The following RIMS2 variants were observed in gnomAD, a reference collection of about 807,000 sequenced individuals.
The protein encoded by RIMS2 is regulating synaptic membrane exocytosis protein 2.
RIMS2 carries 59 observed loss-of-function variants against 174.4 expected under a neutral mutation model. The observed-to-expected ratio is 0.34, with a 90% CI of 0.27 to 0.42. The LOEUF (loss-of-function observed/expected upper bound fraction) is 0.42, where lower values mean the gene tolerates loss of function less well. Ranked by LOEUF, RIMS2 falls within the 10% of genes least tolerant of loss-of-function variation. RIMS2 has a pLI of 1.00. For synonymous variants in RIMS2, 606 were observed against 572.5 expected (o/e 1.06, Z -0.84); for missense variants, 1,620 against 1,666.3 (o/e 0.97, Z 0.48).
chr8:103,600,608 T>C (rs1181082292), intron 1 of RIMS2, among the ~76,000 whole-genome samples: 3 of 152,156 alleles, frequency 2.0e-5, no homozygotes, highest in African/African-American at 7.2e-5. Flanking sequence ...GATGGATGCT[T>C]AGGTTGCTTG....
At chr8:104,217,154 CAAT>C (rs1424499660) in intron 19 of RIMS2, among the ~76,000 whole-genome samples, 1 of 152,104 alleles carries the variant, frequency 6.6e-6, no homozygotes, top group Non-Finnish European at 1.5e-5. Context: ...TTAGCTTACT[CAAT>C]AAGTTTATTT....
intron 3 of RIMS2, among the ~76,000 whole-genome samples, chr8:103,861,640 T>C (rs2099059472): frequency 6.6e-6 from 1 of 152,140 alleles, no homozygotes; most frequent in South Asian, 2.1e-4. Flanking sequence ...TGCCAACATC[T>C]GTTGTTTTTT....
intron 19 of RIMS2, among the ~76,000 whole-genome samples, chr8:104,194,830 TA>T (rs1427828565): frequency 2.0e-5 from 3 of 152,088 alleles, no homozygotes; most frequent in African/African-American, 7.2e-5. Context: ...AATGTCCAGG[TA>T]AAGAGAAAAG....
At chr8:103,819,630 G>A (rs1269356352) in intron 3 of RIMS2, 1 of 1,604,730 alleles carries the variant, frequency 6.2e-7, no homozygotes, top group African/African-American at 1.3e-5. Flanking sequence ...ACAATGCAAG[G>A]TGAGTAGAGC....
intron 1 of RIMS2, among the ~76,000 whole-genome samples, chr8:103,551,750 A>T (rs1164705060): frequency 1.3e-5 from 2 of 152,196 alleles, no homozygotes; most frequent in African/African-American, 4.8e-5. Flanking sequence ...ACTTCAGCAA[A>T]GTCTCAGGAT....
chr8:103,838,847 C>T (rs536271727), intron 3 of RIMS2, among the ~76,000 whole-genome samples: 208 of 152,220 alleles, frequency 1.4e-3, no homozygotes, highest in South Asian at 0.013. Context: ...GGGCAGATCA[C>T]GAGGTCAGGA....
intron 3 of RIMS2, among the ~76,000 whole-genome samples, chr8:103,871,418 G>C (rs922374447): frequency 1.3e-5 from 2 of 152,082 alleles, no homozygotes; most frequent in African/African-American, 2.4e-5. Context: ...TAAAGTCAAA[G>C]GGACTTTGTA....
chr8:103,878,556 T>C (rs993806247), intron 3 of RIMS2, among the ~76,000 whole-genome samples: 4 of 150,370 alleles, frequency 2.7e-5, no homozygotes, highest in African/African-American at 1.0e-4. Flanking sequence ...CTTTCCTGGC[T>C]CTGATATCAG....
At chr8:104,089,777 C>T (rs960288034) in intron 19 of RIMS2, among the ~76,000 whole-genome samples, 1 of 151,746 alleles carries the variant, frequency 6.6e-6, no homozygotes, top group Non-Finnish European at 1.5e-5. Flanking sequence ...TAATGACCTT[C>T]TGCTTTAGGC....
chr8:103,501,326 C>A (rs1429870979), intron 1 of RIMS2: 2 of 227,924 alleles, frequency 8.8e-6, no homozygotes, highest in Non-Finnish European at 8.6e-6. Flanking sequence ...TGGCGCCTTT[C>A]CGGATTTCCT....
At chr8:104,251,688 C>A in exon 24 of RIMS2, 1 of 1,607,344 alleles carries the variant, frequency 6.2e-7, no homozygotes, top group African/African-American at 1.3e-5. Flanking sequence ...TAGAGCTATC[C>A]AATATGGTGA....
At chr8:104,051,501 G>T (rs886392085) in intron 19 of RIMS2, among the ~76,000 whole-genome samples, 1 of 151,860 alleles carries the variant, frequency 6.6e-6, no homozygotes, top group Non-Finnish European at 1.5e-5. Flanking sequence ...ATTAAAGAAT[G>T]ACCATATTAT....
At chr8:104,013,854 T>C (rs2095831441) in intron 18 of RIMS2, among the ~76,000 whole-genome samples, 1 of 152,206 alleles carries the variant, frequency 6.6e-6, no homozygotes, top group South Asian at 2.1e-4. Context: ...TGATTTCTCA[T>C]TAATCAGGAG....
intron 1 of RIMS2, among the ~76,000 whole-genome samples, chr8:103,579,636 A>G (rs968162039): frequency 6.6e-6 from 1 of 152,212 alleles, no homozygotes; most frequent in Non-Finnish European, 1.5e-5. Context: ...CTTATTTAAA[A>G]TAACTTCTTA....
At chr8:104,204,609 C>T (rs2099071161) in intron 19 of RIMS2, among the ~76,000 whole-genome samples, 1 of 151,920 alleles carries the variant, frequency 6.6e-6, no homozygotes, top group Admixed American at 6.6e-5. Flanking sequence ...ATTCCTCAAC[C>T]TCAACCTCTA....
At chr8:103,992,274 A>ATTTTTTTTTTTTTTTTTTTTTTTT in intron 17 of RIMS2, among the ~76,000 whole-genome samples, 1 of 107,106 alleles carries the variant, frequency 9.3e-6, no homozygotes, top group Non-Finnish European at 1.8e-5. Flanking sequence ...ATGTCCAGCT[A>ATTTTTTTTTTTTTTTTTTTTTTTT]TTTTTTTTTT....
At chr8:104,094,459 T>G in intron 19 of RIMS2, 1 of 591,164 alleles carries the variant, frequency 1.7e-6, no homozygotes, top group Non-Finnish European at 3.0e-6. Context: ...ATGCCTTCAA[T>G]TTCTGTTGCT....
At chr8:103,613,491 TC>T (rs1179126742) in intron 1 of RIMS2, among the ~76,000 whole-genome samples, 2 of 152,304 alleles carry the variant, frequency 1.3e-5, no homozygotes, top group African/African-American at 4.8e-5. Flanking sequence ...AGAAATTCTC[TC>T]CAAGAGCCTA....
intron 19 of RIMS2, among the ~76,000 whole-genome samples, chr8:104,080,714 T>C (rs144307703): frequency 5.9e-5 from 9 of 152,196 alleles, no homozygotes; most frequent in African/African-American, 2.2e-4. Flanking sequence ...TGTTATGTAA[T>C]GGCTTTGTTC....
Sources: gnomAD v4.1 joint callset for allele counts (sites outside exome capture counted in the v4.1 genomes callset) on GRCh38, gnomAD v4.1.1 for gene constraint, MANE v1.5 for transcripts, NCBI Gene and HGNC (gene_info 2026-07-23, HGNC 2026-07-21) for gene names.